The following TLN2 variants were observed in gnomAD, a reference collection of about 807,000 sequenced individuals.
TLN2 encodes the protein talin-2.
Under a neutral mutation model 294.7 loss-of-function variants are expected in TLN2, and 118 were observed. The ratio of observed to expected loss-of-function variants is 0.40; its 90% CI spans 0.34 to 0.47. The LOEUF (loss-of-function observed/expected upper bound fraction) is 0.47. Among genes scored for constraint, TLN2 ranks in the 20% least tolerant of loss-of-function variants. TLN2 has a pLI of 0.84. For missense variants in TLN2, 3,083 were observed against 3,282.2 expected (o/e 0.94, Z 1.48); for synonymous variants, 1,431 against 1,304.5 (o/e 1.10, Z -2.09).
chr15:62,395,721 C>G (rs563244725), intron 1 of TLN2, among the ~76,000 whole-genome samples: 1 of 151,942 alleles, frequency 6.6e-6, no homozygotes, highest in African/African-American at 2.4e-5. Flanking sequence ...TAAGGTACAT[C>G]CATAGTATGG....
intron 1 of TLN2, among the ~76,000 whole-genome samples, chr15:62,518,277 T>G (rs2040283025): frequency 1.3e-5 from 2 of 152,206 alleles, no homozygotes; most frequent in African/African-American, 4.8e-5. Flanking sequence ...GACCTTGTGA[T>G]CTGCCTGCTT....
chr15:62,714,117 G>GA (rs1372977293), intron 22 of TLN2, among the ~76,000 whole-genome samples: 1 of 146,644 alleles, frequency 6.8e-6, no homozygotes, highest in Non-Finnish European at 1.5e-5. Context: ...TTTTACAAAT[G>GA]AAAAAAATTA....
At chr15:62,503,676 C>T (rs1271014996) in intron 1 of TLN2, among the ~76,000 whole-genome samples, 1 of 152,220 alleles carries the variant, frequency 6.6e-6, no homozygotes, top group Admixed American at 6.5e-5. Context: ...TGCCCCATTT[C>T]CTCTCTTGGC....
At chr15:62,592,037 G>A (rs984929111) in intron 2 of TLN2, among the ~76,000 whole-genome samples, 4 of 152,164 alleles carry the variant, frequency 2.6e-5, no homozygotes, top group African/African-American at 9.7e-5. Flanking sequence ...TTCTTAAGCC[G>A]TTATCTGTGG....
At chr15:62,825,818 A>ATATATATTATATATTATAATATTATATAT (rs377038608) in intron 54 of TLN2, among the ~76,000 whole-genome samples, 1 of 74,460 alleles carries the variant, frequency 1.3e-5, no homozygotes, top group African/African-American at 9.2e-5. Context: ...TTATATTATA[A>ATATATATTATATATTATAATATTATATAT]TATATATTAT....
At chr15:62,488,968 C>G (rs1424457709) in intron 1 of TLN2, among the ~76,000 whole-genome samples, 2 of 152,168 alleles carry the variant, frequency 1.3e-5, no homozygotes, top group Admixed American at 1.3e-4. Flanking sequence ...CAAGACCAGC[C>G]TGGCCAATAT....
intron 1 of TLN2, among the ~76,000 whole-genome samples, chr15:62,437,757 G>T (rs1383103856): frequency 6.6e-6 from 1 of 151,604 alleles, no homozygotes; most frequent in East Asian, 1.9e-4. Flanking sequence ...ATGGGGGTGT[G>T]TGTGTGTGTG....
At chr15:62,795,876 G>A (rs1446075893) in intron 46 of TLN2, among the ~76,000 whole-genome samples, 2 of 152,108 alleles carry the variant, frequency 1.3e-5, no homozygotes, top group Non-Finnish European at 2.9e-5. Flanking sequence ...ACCCTAATAG[G>A]CCAGAAATAG....
intron 39 of TLN2, 80 bp from the exon 40 acceptor site, chr15:62,763,483 T>C (rs770190955): frequency 3.9e-5 from 58 of 1,504,814 alleles, no homozygotes; most frequent in Non-Finnish European, 4.4e-5. Context: ...TGGACAGGGA[T>C]CCTGGCCCAC....
intron 9 of TLN2, among the ~76,000 whole-genome samples, chr15:62,669,931 T>C (rs537458376): frequency 1.3e-5 from 2 of 152,316 alleles, no homozygotes; most frequent in South Asian, 4.1e-4. Context: ...ACCTCAGGGG[T>C]AACACCTCTA....
At chr15:62,639,231 ATCTATAT>A (rs1384670991) in intron 3 of TLN2, among the ~76,000 whole-genome samples, 5 of 119,580 alleles carry the variant, frequency 4.2e-5, no homozygotes, top group Non-Finnish European at 8.8e-5. Flanking sequence ...TAGGTTATAG[ATCTATAT>A]CTATATCTAT....
chr15:62,833,623 A>G lies in TLN2; in HGVS notation c.7122A>G (p.Gln2374=). 1.2e-6 allele frequency: 2 copies of G among 1,613,996 alleles called. No homozygotes were observed. The highest frequency in any genetic ancestry group is 1.7e-5 in the Admixed American group (1 of 60,008). ...CAGCCCAGAGGGAGCTGGTGGCCCA[A>G]GGAAAGGTGGGTAAAGCCGCTGACC... ...ASAAQRELVA[Q]GKVGSIPANA... is the part of the protein sequence containing the mutation. The change falls in exon 55 of 59, where the codon CAA becomes CAG. Residue 2374 remains glutamine (Q), a synonymous_variant. Transcript: ENST00000636159.
intron 1 of TLN2, among the ~76,000 whole-genome samples, chr15:62,533,871 C>G (rs1157894155): frequency 6.6e-6 from 1 of 152,180 alleles, no homozygotes; most frequent in African/African-American, 2.4e-5. Context: ...GTGTAACATG[C>G]ATCCCATCTG....
In TLN2 at chr15:62,833,615, G is replaced by A. The variant is rs1379701657; in HGVS notation, c.7114G>A (p.Val2372Met). The A allele has an allele frequency of 1.1e-5, 17 of 1,613,902 alleles. No homozygotes were observed. Among genetic ancestry groups the A allele is most frequent in the Non-Finnish European group, 1.3e-5 (15 of 1,179,988 alleles). The change falls in exon 55 of 59, where the codon GTG (valine) becomes ATG (methionine). Residue 2372 changes from valine to methionine, a missense_variant. By Grantham distance (21) the Val-to-Met change is conservative. Transcript: ENST00000636159. ...GGCCTCAGCAGCCCAGAGGGAGCTG[G>A]TGGCCCAAGGAAAGGTGGGTAAAGC... Reference protein sequence around the residue: ...KSASAAQRELVAQGKVGSIPA... With the variant: ...KSASAAQRELMAQGKVGSIPA...
intron 1 of TLN2, among the ~76,000 whole-genome samples, chr15:62,473,287 G>A (rs2037590242): frequency 3.3e-5 from 5 of 152,020 alleles, no homozygotes; most frequent in Admixed American, 3.3e-4. Context: ...TCTTAAAATG[G>A]GATTGGGAAT....
At chr15:62,481,751 T>G (rs1362316538) in intron 1 of TLN2, among the ~76,000 whole-genome samples, 1 of 151,930 alleles carries the variant, frequency 6.6e-6, no homozygotes, top group East Asian at 1.9e-4. Flanking sequence ...TAATACAAAT[T>G]TATCCCATAT....
chr15:62,538,331 G>C (rs1165923102), intron 1 of TLN2, among the ~76,000 whole-genome samples: 1 of 152,070 alleles, frequency 6.6e-6, no homozygotes, highest in Non-Finnish European at 1.5e-5. Flanking sequence ...AATGGCCCTT[G>C]GATATTAAGC....
chr15:62,788,908 CAG>C (rs918395463), intron 45 of TLN2, among the ~76,000 whole-genome samples: 1 of 152,202 alleles, frequency 6.6e-6, no homozygotes, highest in Non-Finnish European at 1.5e-5. Context: ...TCCTGTGTCA[CAG>C]GGGAAGGAAC....
At chr15:62,708,088 G>T (rs1297394587) in intron 20 of TLN2, among the ~76,000 whole-genome samples, 1 of 152,168 alleles carries the variant, frequency 6.6e-6, no homozygotes, top group Non-Finnish European at 1.5e-5. Flanking sequence ...CTATGAGGCA[G>T]AGTTTCAGGT....
Sources: gnomAD v4.1 joint callset for allele counts (sites outside exome capture counted in the v4.1 genomes callset) on GRCh38, gnomAD v4.1.1 for gene constraint, MANE v1.5 for transcripts, NCBI Gene and HGNC (gene_info 2026-07-23, HGNC 2026-07-21) for gene names.